Variants in MAGI2 observed in about 807,000 individuals in gnomAD.
MAGI2 encodes the protein membrane-associated guanylate kinase, WW and PDZ domain-containing protein 2.
In MAGI2, 35 loss-of-function variants were observed where a neutral mutation model predicts 133.3. That is an observed-to-expected ratio of 0.26 (90% CI 0.20 to 0.35). MAGI2 has a LOEUF of 0.35. MAGI2 is among the 10% of genes least tolerant of loss of function. The pLI is 1.00. For synonymous variants in MAGI2, 729 were observed against 710.6 expected (o/e 1.03, Z -0.41); for missense variants, 1,636 against 1,863.4 (o/e 0.88, Z 2.25).
At chr7:78,698,855 C>A (rs949901880) in intron 2 of MAGI2, among the ~76,000 whole-genome samples, 2 of 152,064 alleles carry the variant, frequency 1.3e-5, no homozygotes, top group Admixed American at 6.6e-5. Flanking sequence ...ATGAGGGTAA[C>A]CACCCCATGA....
intron 3 of MAGI2, among the ~76,000 whole-genome samples, chr7:78,546,795 T>C (rs1399377565): frequency 6.6e-6 from 1 of 152,170 alleles, no homozygotes; most frequent in African/African-American, 2.4e-5. Context: ...GCTATGTAAG[T>C]TGAAGCATGT....
intron 1 of MAGI2, among the ~76,000 whole-genome samples, chr7:79,207,903 T>C (rs1431654895): frequency 3.3e-5 from 5 of 151,940 alleles, no homozygotes. Context: ...GCCAACTTAA[T>C]TTTGACAAAG....
At chr7:78,953,429 T>C (rs1802032541) in intron 2 of MAGI2, among the ~76,000 whole-genome samples, 2 of 152,064 alleles carry the variant, frequency 1.3e-5, no homozygotes, top group Non-Finnish European at 1.5e-5. Flanking sequence ...CTGTGTGTGG[T>C]TTTGTGTGTG....
chr7:78,601,559 C>A (rs754432248), intron 3 of MAGI2, among the ~76,000 whole-genome samples: 1 of 152,110 alleles, frequency 6.6e-6, no homozygotes, highest in East Asian at 1.9e-4. Context: ...TTGCAAAAAT[C>A]CTGTTTCCTT....
chr7:79,102,447 T>C (rs1053406045), intron 1 of MAGI2, among the ~76,000 whole-genome samples: 4 of 152,198 alleles, frequency 2.6e-5, no homozygotes, highest in African/African-American at 9.7e-5. Context: ...TCCATCTCTT[T>C]CTTACCAAAA....
In MAGI2 at chr7:79,160,156, T is replaced by A. The variant is rs573653982; in HGVS notation, c.302-152950A>T. On this transcript the variant is annotated intron_variant, in intron 1 of 21. Coordinates refer to ENST00000354212, the MANE Select transcript of MAGI2 (RefSeq NM_012301.4). ...ATCCCCCACCACTGGAAATTTATGT[T>A]ACTGAAAAGTTAAAATAGTAGGAAA... Among the ~76,000 whole-genome samples the A allele has an allele frequency of 5.3e-5, 8 of 152,250 alleles. No individual in the cohort carries two copies. The South Asian group carries it at 1.7e-3, about 32-fold the overall frequency.
intron 6 of MAGI2, among the ~76,000 whole-genome samples, chr7:78,431,999 T>C (rs947130953): frequency 5.9e-5 from 9 of 152,104 alleles, no homozygotes; most frequent in Non-Finnish European, 1.2e-4. Flanking sequence ...ATAAAAATTA[T>C]ACCAAATCTT....
chr7:78,621,498 C>T (rs1487565769), intron 3 of MAGI2, among the ~76,000 whole-genome samples: 2 of 151,974 alleles, frequency 1.3e-5, no homozygotes, highest in African/African-American at 4.8e-5. Context: ...TTACCAACAC[C>T]TGATGGTTAC....
chr7:79,247,458 A>G (rs1832906298), intron 1 of MAGI2, among the ~76,000 whole-genome samples: 2 of 152,074 alleles, frequency 1.3e-5, no homozygotes, highest in South Asian at 2.1e-4. Flanking sequence ...CTAAAAAAAT[A>G]AAAAATTCGC....
At chr7:79,104,613 G>A (rs562092290) in intron 1 of MAGI2, among the ~76,000 whole-genome samples, 1 of 152,232 alleles carries the variant, frequency 6.6e-6, no homozygotes, top group East Asian at 1.9e-4. Flanking sequence ...GTTGCAGTGA[G>A]CAGAGAACGT....
intron 1 of MAGI2, among the ~76,000 whole-genome samples, chr7:79,119,758 G>C (rs1015465348): frequency 1.3e-5 from 2 of 151,926 alleles, no homozygotes; most frequent in Non-Finnish European, 2.9e-5. Flanking sequence ...GAAGGGAAGG[G>C]CAAGAAAGAA....
chr7:79,451,427 C>T (rs1849239582), intron 1 of MAGI2, among the ~76,000 whole-genome samples: 1 of 152,140 alleles, frequency 6.6e-6, no homozygotes, highest in Admixed American at 6.5e-5. Flanking sequence ...GTATTTGAAC[C>T]TTAGGTATCT....
At chr7:79,295,404 G>C (rs1836853621) in intron 1 of MAGI2, among the ~76,000 whole-genome samples, 1 of 152,124 alleles carries the variant, frequency 6.6e-6, no homozygotes, top group Admixed American at 6.5e-5. Flanking sequence ...GCTATCACCT[G>C]CAGTATATCC....
At chr7:78,112,912 A>G (rs1365928998) in intron 20 of MAGI2, among the ~76,000 whole-genome samples, 2 of 152,238 alleles carry the variant, frequency 1.3e-5, no homozygotes, top group Non-Finnish European at 2.9e-5. Flanking sequence ...ATGAGACCCA[A>G]CTGGAAAGCA....
intron 6 of MAGI2, among the ~76,000 whole-genome samples, chr7:78,443,249 A>G (rs1209446097): frequency 1.3e-5 from 2 of 148,788 alleles, no homozygotes; most frequent in Non-Finnish European, 2.9e-5. Context: ...ATTATGACAT[A>G]AAGAAATAGC....
rs1232518676 is a variant in MAGI2, at chr7:78,458,649, T to TTG, written c.1045+31111_1045+31112insCA. Among the ~76,000 whole-genome samples, 179 of 151,902 alleles carry TTG rather than the reference T, an allele frequency of 1.2e-3. 3 individuals carry two copies. The East Asian group carries it at 0.013, about 11-fold the overall frequency. On this transcript the variant is annotated intron_variant, in intron 6 of 21. Coordinates refer to ENST00000354212, the MANE Select transcript of MAGI2 (RefSeq NM_012301.4). ...TCTGTTTTTTGTTAGGTTTTTTTTT[T>TTG]TTTGAGACAGAGTCTCACTCTGTTA...
chr7:78,923,031 A>G (rs1185150670), intron 2 of MAGI2, among the ~76,000 whole-genome samples: 3 of 151,852 alleles, frequency 2.0e-5, no homozygotes, highest in African/African-American at 7.3e-5. Context: ...CCTACTTTTT[A>G]ATGGGGTTGT....
chr7:78,473,327 T>C (rs556983625), intron 6 of MAGI2, among the ~76,000 whole-genome samples: 1 of 152,226 alleles, frequency 6.6e-6, no homozygotes, highest in South Asian at 2.1e-4. Context: ...AAATTGAATC[T>C]ACAGATTTTT....
chr7:78,672,088 G>A (rs989156963), intron 2 of MAGI2, among the ~76,000 whole-genome samples: 3 of 152,132 alleles, frequency 2.0e-5, no homozygotes, highest in Non-Finnish European at 2.9e-5. Flanking sequence ...ATCCTTAAAT[G>A]TTTGAAGGAT....
Sources: allele counts gnomAD v4.1 joint callset (sites outside exome capture counted in the v4.1 genomes callset), GRCh38; gene constraint gnomAD v4.1.1; transcripts MANE v1.5; gene names NCBI Gene and HGNC (gene_info 2026-07-23, HGNC 2026-07-21).